CTNNA2: variants seen among roughly 807,000 people sequenced by gnomAD.
The protein encoded by CTNNA2 is catenin alpha-2.
In CTNNA2, 42 loss-of-function variants were observed where a neutral mutation model predicts 101.0. The ratio of observed to expected loss-of-function variants is 0.42; its 90% confidence interval spans 0.32 to 0.54. The LOEUF (loss-of-function observed/expected upper bound fraction) is 0.54. Among genes scored for constraint, CTNNA2 ranks in the 20% least tolerant of loss-of-function variants. The pLI is 0.14. For synonymous variants in CTNNA2, 450 were observed against 456.4 expected (o/e 0.99, Z 0.18); for missense variants, 871 against 1,223.1 (o/e 0.71, Z 4.29).
chr2:79,864,148 G>A (rs976690588), intron 4 of CTNNA2, among the ~76,000 whole-genome samples: 5 of 152,204 alleles, frequency 3.3e-5, no homozygotes, highest in African/African-American at 1.2e-4. Flanking sequence ...CAGAAAAGGT[G>A]AATTTGGATT....
chr2:79,213,735 G>C (rs189738517), intron 2 of CTNNA2, among the ~76,000 whole-genome samples: 116 of 152,294 alleles, frequency 7.6e-4, no homozygotes, highest in Middle Eastern at 3.4e-3. Context: ...ATTGAAGTCC[G>C]GGCAAGGAAC....
At chr2:79,859,726 G>C (rs143307588) in intron 4 of CTNNA2, among the ~76,000 whole-genome samples, 102 of 152,214 alleles carry the variant, frequency 6.7e-4, no homozygotes, top group Middle Eastern at 3.4e-3. Context: ...AATTTGAGGA[G>C]AGTCTTTACC....
At chr2:80,412,791 A>G (rs1679702496) in intron 8 of CTNNA2, among the ~76,000 whole-genome samples, 2 of 152,216 alleles carry the variant, frequency 1.3e-5, no homozygotes, top group South Asian at 4.2e-4. Flanking sequence ...TGACTCAGTC[A>G]TGGTCAATAG....
intron 7 of CTNNA2, among the ~76,000 whole-genome samples, chr2:79,914,166 CAAAAAAAAAAAAA>C (rs55675912): frequency 1.1e-5 from 1 of 90,624 alleles, no homozygotes; most frequent in Non-Finnish European, 2.2e-5. Flanking sequence ...GACTCCGTCT[CAAAAAAAAAAAAA>C]AAAAAAAAAA....
intron 3 of CTNNA2, among the ~76,000 whole-genome samples, chr2:79,775,259 G>A (rs1203545756): frequency 1.3e-5 from 2 of 152,130 alleles, no homozygotes; most frequent in African/African-American, 2.4e-5. Context: ...AGAGGATACA[G>A]ACAGAAATGG....
chr2:79,955,443 G>T (rs867156237), intron 7 of CTNNA2, among the ~76,000 whole-genome samples: 16 of 152,276 alleles, frequency 1.1e-4, no homozygotes, highest in South Asian at 8.3e-4. Flanking sequence ...CATTCCACAG[G>T]TCAGAGTGTA....
intron 9 of CTNNA2, among the ~76,000 whole-genome samples, chr2:80,435,683 A>G (rs1175384666): frequency 6.6e-6 from 1 of 152,222 alleles, no homozygotes; most frequent in African/African-American, 2.4e-5. Flanking sequence ...TTCCATTCAT[A>G]TCACCCATAA....
chr2:80,525,050 C>CTT (rs59620468), intron 9 of CTNNA2, among the ~76,000 whole-genome samples: 3 of 148,386 alleles, frequency 2.0e-5, no homozygotes, highest in Non-Finnish European at 4.5e-5. Context: ...GCAGTATACA[C>CTT]TTTTTTTTTT....
chr2:79,811,400 G>A (rs1415651952), intron 3 of CTNNA2, among the ~76,000 whole-genome samples: 1 of 151,994 alleles, frequency 6.6e-6, no homozygotes, highest in Non-Finnish European at 1.5e-5. Flanking sequence ...GTAAATTTGA[G>A]TTCATTGTAG....
chr2:79,303,307 G>A (rs1239074567), intron 2 of CTNNA2, among the ~76,000 whole-genome samples: 2 of 152,088 alleles, frequency 1.3e-5, no homozygotes, highest in African/African-American at 4.8e-5. Context: ...CGCTATCCCA[G>A]GGACACCCCG....
chr2:79,980,312 C>A (rs1691169286), intron 7 of CTNNA2, among the ~76,000 whole-genome samples: 1 of 152,058 alleles, frequency 6.6e-6, no homozygotes, highest in Admixed American at 6.6e-5. Context: ...AATGCATATA[C>A]TCATATTTCA....
At chr2:79,541,417 C>G (rs551663171) in intron 1 of CTNNA2, among the ~76,000 whole-genome samples, 1 of 58,266 alleles carries the variant, frequency 1.7e-5, no homozygotes, top group South Asian at 5.4e-4. Context: ...CATACACACA[C>G]GCACACACAC....
chr2:79,869,304 A>T (rs1282054235), intron 4 of CTNNA2, among the ~76,000 whole-genome samples: 1 of 152,186 alleles, frequency 6.6e-6, no homozygotes, highest in African/African-American at 2.4e-5. Context: ...TTTCCATTGG[A>T]TGGAGAGGTA....
At chr2:79,331,734 A>G (rs1213342332) in intron 3 of CTNNA2, among the ~76,000 whole-genome samples, 2 of 152,126 alleles carry the variant, frequency 1.3e-5, no homozygotes, top group Non-Finnish European at 2.9e-5. Flanking sequence ...AAATTTTTCA[A>G]TTTCATCCAC....
intron 3 of CTNNA2, among the ~76,000 whole-genome samples, chr2:79,848,278 T>C (rs1393553764): frequency 6.6e-6 from 1 of 152,222 alleles, no homozygotes; most frequent in Non-Finnish European, 1.5e-5. Context: ...CTTCCCTTTA[T>C]GTGTAAAAAT....
intron 9 of CTNNA2, among the ~76,000 whole-genome samples, chr2:80,536,209 A>T (rs1691002390): frequency 6.6e-6 from 1 of 152,192 alleles, no homozygotes; most frequent in Admixed American, 6.6e-5. Flanking sequence ...TAAATGAATA[A>T]ACCTTCAGAT....
At chr2:80,545,124 T>C in intron 10 of CTNNA2, 50 bp downstream of exon 10, 2 of 1,563,104 alleles carry the variant, frequency 1.3e-6, no homozygotes, top group African/African-American at 2.7e-5. Flanking sequence ...CCTTCTCCAC[T>C]CCAGCCCTTG....
upstream of CTNNA2, among the ~76,000 whole-genome samples, chr2:79,508,988 TATATATATATATATATATATATATAA>T (rs1377872392): frequency 2.6e-4 from 11 of 42,604 alleles, no homozygotes; most frequent in Non-Finnish European, 3.8e-4. Flanking sequence ...TATATATATA[TATATATATATATATATATATATATAA>T]ACAATTACCT....
chr2:79,560,494 TC>T (rs1027518277), intron 1 of CTNNA2, among the ~76,000 whole-genome samples: 1 of 151,982 alleles, frequency 6.6e-6, no homozygotes, highest in African/African-American at 2.4e-5. Context: ...TGGCTTTAAT[TC>T]AGGTTGCTGG....
Sources: gnomAD v4.1 joint callset for allele counts (sites outside exome capture counted in the v4.1 genomes callset) on GRCh38, gnomAD v4.1.1 for gene constraint, MANE v1.5 for transcripts, NCBI Gene and HGNC (gene_info 2026-07-23, HGNC 2026-07-21) for gene names.